Variants in GALNTL6 observed in about 807,000 individuals in gnomAD.
GALNTL6 encodes polypeptide N-acetylgalactosaminyltransferase like 6, also known as polypeptide N-acetylgalactosaminyltransferase-like 6.
A neutral mutation model predicts 73.7 loss-of-function variants in GALNTL6; 46 were observed. The observed-to-expected ratio is 0.62, with a 90% confidence interval of 0.49 to 0.80. The LOEUF (loss-of-function observed/expected upper bound fraction) is 0.80. Ranked by LOEUF, GALNTL6 falls within the 30% of genes least tolerant of loss-of-function variation. The pLI, the probability that GALNTL6 is intolerant of heterozygous loss-of-function variation, is 0.00. For missense variants in GALNTL6, 604 were observed against 755.0 expected (o/e 0.80, Z 2.34); for synonymous variants, 259 against 263.7 (o/e 0.98, Z 0.17).
intron 5 of GALNTL6, among the ~76,000 whole-genome samples, chr4:172,677,515 C>A (rs898591455): frequency 6.6e-6 from 1 of 152,078 alleles, no homozygotes; most frequent in Non-Finnish European, 1.5e-5. Flanking sequence ...AAACAGCAGA[C>A]GATGGTTCTA....
intron 7 of GALNTL6, among the ~76,000 whole-genome samples, chr4:172,824,692 C>T (rs1368894009): frequency 1.3e-5 from 2 of 151,884 alleles, no homozygotes; most frequent in East Asian, 3.9e-4. Flanking sequence ...CAGGATCACT[C>T]GTGGAGGTAG....
intron 5 of GALNTL6, among the ~76,000 whole-genome samples, chr4:172,522,189 G>GT (rs1449937807): frequency 1.3e-5 from 2 of 151,912 alleles, no homozygotes; most frequent in African/African-American, 2.4e-5. Flanking sequence ...TATCTAATGT[G>GT]TTTTTTTAAA....
chr4:171,890,118 A>T (rs1030435475), intron 2 of GALNTL6, among the ~76,000 whole-genome samples: 4 of 152,156 alleles, frequency 2.6e-5, no homozygotes, highest in African/African-American at 9.6e-5. Context: ...GTGTACTTAC[A>T]TCCCTTGTCC....
chr4:172,583,526 CGTAAATTTGAAATCA>C (rs1553962775), intron 5 of GALNTL6, among the ~76,000 whole-genome samples: 1 of 152,098 alleles, frequency 6.6e-6, no homozygotes, highest in Non-Finnish European at 1.5e-5. Context: ...AATTTGGAAG[CGTAAATTTGAAATCA>C]TAACTCTTTC....
intron 5 of GALNTL6, among the ~76,000 whole-genome samples, chr4:172,496,024 G>T (rs142099063): frequency 6.6e-6 from 1 of 152,102 alleles, no homozygotes. Flanking sequence ...CCGTTTGTGC[G>T]TTTTTGTATG....
At chr4:172,985,909 C>T (rs1308354964) in intron 10 of GALNTL6, among the ~76,000 whole-genome samples, 2 of 152,200 alleles carry the variant, frequency 1.3e-5, no homozygotes, top group African/African-American at 4.8e-5. Flanking sequence ...GACTCCTAAG[C>T]CATCATTTCT....
At chr4:172,432,065 C>T (rs1209057425) in intron 5 of GALNTL6, among the ~76,000 whole-genome samples, 1 of 152,046 alleles carries the variant, frequency 6.6e-6, no homozygotes, top group Non-Finnish European at 1.5e-5. Flanking sequence ...TAAAATAGCG[C>T]TTTCTAGCTC....
At chr4:172,708,511 C>T (rs1368466191) in intron 5 of GALNTL6, among the ~76,000 whole-genome samples, 1 of 152,178 alleles carries the variant, frequency 6.6e-6, no homozygotes, top group African/African-American at 2.4e-5. Context: ...CACTTACTAG[C>T]TGAATTACCA....
intron 5 of GALNTL6, among the ~76,000 whole-genome samples, chr4:172,483,441 T>C (rs1180167897): frequency 6.6e-6 from 1 of 152,154 alleles, no homozygotes; most frequent in Non-Finnish European, 1.5e-5. Flanking sequence ...GGAAAGCAAA[T>C]CTGGACACGT....
intron 2 of GALNTL6, among the ~76,000 whole-genome samples, chr4:172,131,998 A>G (rs1235106016): frequency 6.6e-6 from 1 of 152,104 alleles, no homozygotes; most frequent in Non-Finnish European, 1.5e-5. Flanking sequence ...CAGAGTATTT[A>G]TTGAGCACTT....
At chr4:171,893,013 ATAGG>A (rs1439207901) in intron 2 of GALNTL6, among the ~76,000 whole-genome samples, 1 of 152,158 alleles carries the variant, frequency 6.6e-6, no homozygotes, top group East Asian at 1.9e-4. Context: ...TCTGACAATA[ATAGG>A]TAGTATGTGT....
At position 172,333,135 on chromosome 4, in the gene GALNTL6, G is replaced by A. The variant is rs979193988; in HGVS notation, c.387-15388G>A. Among the ~76,000 whole-genome samples the A allele has an allele frequency of 9.2e-5, 14 of 152,178 alleles. No homozygotes were observed. In the East Asian group the frequency reaches 2.7e-3, roughly 29 times the overall value. On this transcript the variant is annotated intron_variant, in intron 4 of 12. Coordinates refer to ENST00000506823, the MANE Select transcript of GALNTL6 (RefSeq NM_001034845.3). ...AAATGTACACTGATGGCCGGGTGCA[G>A]TGGCTCACACCTGTAATCCCAGCAC... is the stretch of plus-strand genomic sequence containing the variant.
At chr4:172,221,356 A>AT (rs1179525797) in intron 2 of GALNTL6, among the ~76,000 whole-genome samples, 1 of 151,736 alleles carries the variant, frequency 6.6e-6, no homozygotes, top group Non-Finnish European at 1.5e-5. Flanking sequence ...GAATTCTAGA[A>AT]TATCCTTCTG....
At chr4:172,975,728 C>T (rs945848564) in intron 10 of GALNTL6, among the ~76,000 whole-genome samples, 1 of 152,128 alleles carries the variant, frequency 6.6e-6, no homozygotes, top group Non-Finnish European at 1.5e-5. Flanking sequence ...CCATGCTCAT[C>T]GGCGAGGGGG....
At chr4:172,872,289 A>G (rs1310204437) in intron 7 of GALNTL6, among the ~76,000 whole-genome samples, 1 of 152,220 alleles carries the variant, frequency 6.6e-6, no homozygotes, top group African/African-American at 2.4e-5. Flanking sequence ...TTTTTTCCTC[A>G]GATTATTTTT....
chr4:172,349,981 A>T (rs1420870100), intron 5 of GALNTL6, among the ~76,000 whole-genome samples: 1 of 152,070 alleles, frequency 6.6e-6, no homozygotes, highest in Admixed American at 6.6e-5. Flanking sequence ...CAGATTTTTG[A>T]AAAACAATGT....
chr4:171,990,720 A>C (rs1040355391), intron 2 of GALNTL6, among the ~76,000 whole-genome samples: 1 of 152,232 alleles, frequency 6.6e-6, no homozygotes, highest in African/African-American at 2.4e-5. Context: ...AGTTCTTAGG[A>C]GTAAAACTTA....
intron 5 of GALNTL6, among the ~76,000 whole-genome samples, chr4:172,575,793 T>C (rs1736937487): frequency 6.6e-6 from 1 of 152,332 alleles, no homozygotes; most frequent in African/African-American, 2.4e-5. Flanking sequence ...CCAGCTTACC[T>C]CTTAAAGAGG....
intron 3 of GALNTL6, among the ~76,000 whole-genome samples, chr4:172,230,261 A>G (rs988833982): frequency 1.3e-5 from 2 of 152,178 alleles, no homozygotes; most frequent in Non-Finnish European, 2.9e-5. Context: ...AAACGGAATC[A>G]AGTAGGTCTG....
Sources: allele counts gnomAD v4.1 joint callset (sites outside exome capture counted in the v4.1 genomes callset), GRCh38; gene constraint gnomAD v4.1.1; transcripts MANE v1.5; gene names NCBI Gene and HGNC (gene_info 2026-07-23, HGNC 2026-07-21).